Variants in DPH5 observed in about 807,000 individuals in gnomAD.
The protein encoded by DPH5 is diphthine methyl ester synthase.
Under a neutral mutation model 31.6 loss-of-function variants are expected in DPH5, and 31 were observed. The ratio of observed to expected loss-of-function variants is 0.98; its 90% CI spans 0.74 to 1.32. The LOEUF is 1.32. Ranked by LOEUF, DPH5 falls within the 40% of genes most tolerant of loss-of-function variation. The pLI, the probability that DPH5 is intolerant of heterozygous loss-of-function variation, is 0.00. For synonymous variants in DPH5, 120 were observed against 115.0 expected, an observed-to-expected ratio of 1.04 and a Z score of -0.28; for missense variants, 309 against 335.7, an observed-to-expected ratio of 0.92 and a Z score of 0.62.
intron 5 of DPH5, among the ~76,000 whole-genome samples, chr1:100,996,598 T>A (rs933888537): frequency 2.2e-4 from 33 of 152,164 alleles, no homozygotes; most frequent in African/African-American, 7.7e-4. Flanking sequence ...CATAAATGTC[T>A]ACTGAATAAA....
chr1:101,006,838 C>T (rs529127438), intron 4 of DPH5, among the ~76,000 whole-genome samples: 1 of 152,254 alleles, frequency 6.6e-6, no homozygotes, highest in South Asian at 2.1e-4. Context: ...TGGCAATACT[C>T]AAGGTCACTC....
intron 3 of DPH5, among the ~76,000 whole-genome samples, chr1:101,021,417 TTG>T (rs1241306488): frequency 6.6e-6 from 1 of 152,202 alleles, no homozygotes; most frequent in Non-Finnish European, 1.5e-5. Flanking sequence ...GAGTTGACAC[TTG>T]ATAATGTAGT....
At chr1:101,005,741 G>A (rs1430073743) in intron 4 of DPH5, among the ~76,000 whole-genome samples, 1 of 152,236 alleles carries the variant, frequency 6.6e-6, no homozygotes, top group Non-Finnish European at 1.5e-5. Context: ...TTCATTATAT[G>A]CATGGCACTG....
intron 3 of DPH5, among the ~76,000 whole-genome samples, chr1:101,019,468 A>G (rs1255270947): frequency 1.3e-5 from 2 of 152,194 alleles, no homozygotes; most frequent in Non-Finnish European, 2.9e-5. Context: ...TACCATTTTA[A>G]AAGTACTGAA....
chr1:101,002,343 T>C (rs926093547), intron 4 of DPH5, among the ~76,000 whole-genome samples: 4 of 152,186 alleles, frequency 2.6e-5, no homozygotes, highest in Admixed American at 2.0e-4. Flanking sequence ...AATCTACTTT[T>C]GAATTCTGGC....
intron 3 of DPH5, among the ~76,000 whole-genome samples, chr1:101,018,238 AT>A (rs34464496): frequency 0.27 from 37,731 of 138,842 alleles, 4,649 homozygotes; most frequent in African/African-American, 0.34. Flanking sequence ...ACAAAATTTG[AT>A]TTTTTTTTTT....
intron 4 of DPH5, among the ~76,000 whole-genome samples, chr1:101,009,397 TA>T (rs1421610993): frequency 6.6e-6 from 1 of 152,206 alleles, no homozygotes; most frequent in Non-Finnish European, 1.5e-5. Context: ...CAAACCATAA[TA>T]ACTGTGGTAG....
intron 4 of DPH5, among the ~76,000 whole-genome samples, chr1:101,012,353 G>T (rs1202823660): frequency 6.6e-6 from 1 of 152,132 alleles, no homozygotes; most frequent in African/African-American, 2.4e-5. Context: ...CAGAAAAGAG[G>T]GATGAGGAAG....
At chr1:101,003,271 G>C (rs548163857) in intron 4 of DPH5, among the ~76,000 whole-genome samples, 1 of 152,182 alleles carries the variant, frequency 6.6e-6, no homozygotes, top group Non-Finnish European at 1.5e-5. Context: ...CAAGCTACCA[G>C]GATCGGTCCT....
At chr1:100,993,408 G>A (rs1023253034) in intron 6 of DPH5, among the ~76,000 whole-genome samples, 26 of 150,788 alleles carry the variant, frequency 1.7e-4, no homozygotes, top group Non-Finnish European at 7.4e-5. Flanking sequence ...AAAAATTAGC[G>A]TGGCTTGGTG....
At chr1:101,016,447 C>CTTT (rs576540490) in intron 3 of DPH5, among the ~76,000 whole-genome samples, 1 of 140,416 alleles carries the variant, frequency 7.1e-6, no homozygotes, top group Non-Finnish European at 1.6e-5. Context: ...TTCTTTCTTT[C>CTTT]TTTTTTTTTT....
intron 2 of DPH5, among the ~76,000 whole-genome samples, chr1:101,024,054 G>T (rs1660656011): frequency 6.6e-6 from 1 of 151,980 alleles, no homozygotes; most frequent in African/African-American, 2.4e-5. Flanking sequence ...TTCGAGCTTA[G>T]ATATTTTGGT....
In DPH5 at chr1:100,990,807, G is replaced by C. The variant is rs577823760; in HGVS notation, c.635-176C>G. The stretch of plus-strand genomic sequence containing the variant: ...ATCCAAGGGATTTTCTAAATCATTT[G>C]TATTACCTAATATAAAAGAGTACTT... On this transcript the variant is annotated intron_variant, in intron 7 of 7. Transcript: ENST00000370109. Among the ~76,000 whole-genome samples, 6 of 152,260 alleles carry C rather than the reference G, an allele frequency of 3.9e-5. No homozygotes were observed. In the East Asian group the frequency reaches 1.2e-3, roughly 29 times the overall value.
chr1:101,001,589 T>TA lies in DPH5; in HGVS notation c.370-3dup. 6.5e-7 allele frequency: 1 copy of TA among 1,550,352 alleles called. No homozygotes were observed. The highest frequency in any genetic ancestry group is 8.8e-7 in the Non-Finnish European group (1 of 1,136,602). ...AACTGTCTCTCCAAACTTATATAAC[T>TA]AGAAAAAAAAACATTAATTAATGAT... is the stretch of plus-strand genomic sequence containing the variant. On this transcript the variant is annotated splice_region_variant and splice_polypyrimidine_tract_variant and intron_variant, in intron 4 of 7. Transcript: ENST00000370109.
chr1:101,007,318 A>G (rs1305065960), intron 4 of DPH5, among the ~76,000 whole-genome samples: 1 of 152,224 alleles, frequency 6.6e-6, no homozygotes, highest in African/African-American at 2.4e-5. Flanking sequence ...TTATCAAGGA[A>G]AATGGTTCTT....
chr1:100,998,117 C>T (rs995040379), intron 5 of DPH5, among the ~76,000 whole-genome samples: 1 of 152,102 alleles, frequency 6.6e-6, no homozygotes, highest in African/African-American at 2.4e-5. Context: ...AATAAGAAAA[C>T]ATCATACTAG....
chr1:101,025,391 T>C lies in DPH5; in HGVS notation c.53A>G (p.Lys18Arg), dbSNP rs751818278. 24 of 1,614,100 alleles carry C rather than the reference T, an allele frequency of 1.5e-5. No homozygotes were observed. The highest frequency in any genetic ancestry group is 1.9e-5 in the Non-Finnish European group (22 of 1,180,028). ...GCAGCGTCTAACAACTTCCAGGCCC[T>C]TGACTGTGATGTCCTTGGCATCTCC... ...GLGDAKDITV[K>R]GLEVVRRCSR... Residue 18 changes from lysine (K) to arginine (R), a missense_variant, in exon 2 of 8, where the codon AAG becomes AGG. Physicochemically the swap from Lys to Arg is conservative, Grantham distance 26. Coordinates refer to ENST00000370109, the MANE Select transcript of DPH5 (RefSeq NM_015958.3).
At chr1:101,002,647 C>CA in intron 4 of DPH5, among the ~76,000 whole-genome samples, 1 of 152,186 alleles carries the variant, frequency 6.6e-6, no homozygotes, top group Admixed American at 6.5e-5. Context: ...ACTAGACTCA[C>CA]ATCTAGTCCT....
chr1:101,022,839 C>T (rs946754393), intron 2 of DPH5: 2 of 152,110 alleles, frequency 1.3e-5, no homozygotes, highest in Non-Finnish European at 2.9e-5. Flanking sequence ...TGAAGTTAAA[C>T]TTTGTGTAGC....
Sources: allele counts gnomAD v4.1 joint callset (sites outside exome capture counted in the v4.1 genomes callset), GRCh38; gene constraint gnomAD v4.1.1; transcripts MANE v1.5; gene names NCBI Gene and HGNC (gene_info 2026-07-23, HGNC 2026-07-21).